Variants in TASOR observed in about 807,000 individuals in gnomAD.
The protein encoded by TASOR is transcription activation suppressor.
In TASOR, 53 loss-of-function variants were observed where a neutral mutation model predicts 178.6. The observed-to-expected ratio is 0.30, with a 90% confidence interval of 0.24 to 0.37. The LOEUF is 0.37. TASOR is among the 10% of genes least tolerant of loss of function. The probability of loss-of-function intolerance (pLI) is 1.00; values close to 1 mark genes in which losing one functional copy is unlikely to be tolerated. For synonymous variants in TASOR, 713 were observed against 696.2 expected (o/e 1.02, Z -0.38); for missense variants, 1,815 against 1,971.4 (o/e 0.92, Z 1.50).
Position 56,651,165 on chromosome 3 carries a change from A to G in TASOR, c.1369-2108T>C, listed in dbSNP as rs564384625. Reference sequence around the variant, plus strand: ...AAGGCTGACAGAGGCTTCAGCAGTTATATCTGTGGCTTCAGCCCAATGAAA... The same window carrying G: ...AAGGCTGACAGAGGCTTCAGCAGTTGTATCTGTGGCTTCAGCCCAATGAAA... On this transcript the variant is annotated intron_variant, in intron 11 of 23. Coordinates refer to ENST00000683822, the MANE Select transcript of TASOR (RefSeq NM_001365635.2). 8.5e-5 allele frequency among the ~76,000 whole-genome samples: 13 copies of G among 152,238 alleles called. No homozygotes were observed. The East Asian group carries it at 1.9e-3, about 23-fold the overall frequency.
rs745872840 is a variant in TASOR, at chr3:56,633,068, C to A, written c.3723G>T (p.Glu1241Asp). The A allele has an allele frequency of 6.2e-6, 10 of 1,601,640 alleles. No individual in the cohort carries two copies. The highest frequency in any genetic ancestry group is 8.5e-6 in the Non-Finnish European group (10 of 1,175,758). ...TVKFYIHEEE[E>D]SVLCKEIKEY... ...CCTTTATTTCTTTACAGAGCACACT[C>A]TCTTCTTCTTCATGAATATAAAATT... The change falls in exon 18 of 24, where the codon GAG becomes GAT. Residue 1241 changes from glutamate (E) to aspartate (D), a missense_variant. This residue lies in a region of TASOR where 655 missense variants were observed against 671.1 expected (regional missense o/e 0.98). Transcript: ENST00000683822.
At chr3:56,665,998 C>T (rs1162455312) in intron 7 of TASOR, among the ~76,000 whole-genome samples, 2 of 152,102 alleles carry the variant, frequency 1.3e-5, no homozygotes, top group Admixed American at 1.3e-4. Context: ...ACTTACTCAA[C>T]TACACAAACC....
At chr3:56,653,920 T>C (rs140539864) in intron 11 of TASOR, among the ~76,000 whole-genome samples, 1 of 152,330 alleles carries the variant, frequency 6.6e-6, no homozygotes, top group East Asian at 1.9e-4. Context: ...CAACTGAGTA[T>C]TTATTGACTA....
Position 56,647,017 on chromosome 3 carries a change from T to C in TASOR, c.1720A>G (p.Ile574Val). 1 of 1,602,914 alleles carries C rather than the reference T, an allele frequency of 6.2e-7. No individual in the cohort carries two copies. The highest frequency in any genetic ancestry group is 8.5e-7 in the Non-Finnish European group (1 of 1,177,234). ...AATCGTGAATCATATGGAAACATAATAAACTCTCGTTTACCTGAACCAAAA... is the reference window on the plus strand; with the variant it reads ...AATCGTGAATCATATGGAAACATAACAAACTCTCGTTTACCTGAACCAAAA... Reference protein sequence around the residue: ...RGFGSGKREFIMFPYDSRLDD... With the variant: ...RGFGSGKREFVMFPYDSRLDD... Residue 574 changes from isoleucine to valine, a missense_variant, in exon 14 of 24, where the codon ATT becomes GTT. Around this residue, in one of 5 missense-constraint regions of TASOR, gnomAD observed 504 missense variants for 645.3 expected, o/e 0.78. Coordinates refer to ENST00000683822, the MANE Select transcript of TASOR (RefSeq NM_001365635.2).
chr3:56,622,677 C>T lies in TASOR; in HGVS notation c.*360G>A, dbSNP rs1226188611. 6.3e-6 allele frequency: 1 copy of T among 158,176 alleles called. No individual in the cohort carries two copies. The highest frequency in any genetic ancestry group is 2.4e-5 in the African/African-American group (1 of 41,626). The allele number at this position is 158,176 out of a possible 1,614,324, so 9.8% of individuals were successfully genotyped here. ...AAGCCTACATCAAAATAATTCACTT[C>T]AACAAAAGTACTTTATATCAGGTGA... On this transcript the variant is annotated 3_prime_UTR_variant, in exon 24 of 24. Transcript: ENST00000683822.
intron 1 of TASOR, among the ~76,000 whole-genome samples, chr3:56,682,198 C>T (rs935570492): frequency 1.4e-4 from 22 of 152,214 alleles, no homozygotes; most frequent in African/African-American, 4.6e-4. Context: ...ACATCAAGCA[C>T]ATTTCAAGTA....
At position 56,669,969 on chromosome 3, in the gene TASOR, A is replaced by T; in HGVS notation, c.643+104T>A. On this transcript the variant is annotated intron_variant, in intron 4 of 23. Coordinates refer to ENST00000683822, the MANE Select transcript of TASOR (RefSeq NM_001365635.2). ...TGACTAGTCTTTTTCTGGGAACATA[A>T]TAAAGCATGAATTTAATAACAACTG... 6.4e-6 allele frequency: 6 copies of T among 931,844 alleles called. No homozygotes were observed. In the South Asian group the frequency reaches 1.0e-4, roughly 16 times the overall value. The allele number at this position is 931,844 out of a possible 1,614,324, so 57.7% of individuals were successfully genotyped here.
intron 11 of TASOR, among the ~76,000 whole-genome samples, chr3:56,658,946 CTGTGTGTGTGTGTGTGTG>C (rs58622702): frequency 4.7e-5 from 7 of 147,450 alleles, no homozygotes; most frequent in African/African-American, 1.0e-4. Flanking sequence ...GAGAGAGAGA[CTGTGTGTGTGTGTGTGTG>C]TGTGTGTGTG....
chr3:56,650,305 C>T (rs1306023993), intron 11 of TASOR, among the ~76,000 whole-genome samples: 3 of 152,144 alleles, frequency 2.0e-5, no homozygotes, highest in Non-Finnish European at 4.4e-5. Flanking sequence ...TTAATAAAAA[C>T]ATTGTTTGCA....
At chr3:56,671,395 A>G in intron 3 of TASOR, 1 of 470,580 alleles carries the variant, frequency 2.1e-6, no homozygotes, top group Non-Finnish European at 3.7e-6. Flanking sequence ...TTCTAGGGGA[A>G]GAAAATAGGA....
In TASOR at chr3:56,681,410, G is replaced by A. The variant is rs73833288; in HGVS notation, c.331+1266C>T. 6.5e-3 allele frequency among the ~76,000 whole-genome samples: 995 copies of A among 152,278 alleles called. 6 individuals are homozygous for A. The highest frequency in any genetic ancestry group is 0.023 in the African/African-American group (951 of 41,554). ...AGATATTTCTAGAAACATTCCTCAT[G>A]CTAATTTCCAAAGGTTAACTTCATC... On this transcript the variant is annotated intron_variant, in intron 1 of 23. Coordinates refer to ENST00000683822, the MANE Select transcript of TASOR (RefSeq NM_001365635.2).
Position 56,646,097 on chromosome 3 carries a change from G to A in TASOR, c.2215+425C>T, listed in dbSNP as rs972006792. ...CAGGAGGTGGAGCTTGCAGTGAGCC[G>A]AGATCATGCCACTACACTCCAGCCT... is the stretch of plus-strand genomic sequence containing the variant. On this transcript the variant is annotated intron_variant, in intron 14 of 23. Transcript: ENST00000683822. Among the ~76,000 whole-genome samples, 9 of 152,128 alleles carry A rather than the reference G, an allele frequency of 5.9e-5. No homozygotes were observed. The South Asian group carries it at 6.2e-4, about 10-fold the overall frequency.
intron 11 of TASOR, among the ~76,000 whole-genome samples, chr3:56,652,060 T>A (rs907052681): frequency 1.3e-5 from 2 of 152,180 alleles, no homozygotes; most frequent in African/African-American, 4.8e-5. Context: ...TTATGCTTAG[T>A]GAAAGAAGCC....
At chr3:56,654,403 T>TAGGGGGGGGGGGGGGGGG (rs2077425758) in intron 11 of TASOR, among the ~76,000 whole-genome samples, 1 of 127,428 alleles carries the variant, frequency 7.8e-6, no homozygotes, top group African/African-American at 2.9e-5. Context: ...TGGGCGGGGT[T>TAGGGGGGGGGGGGGGGGG]GGGGGGTGGT....
In TASOR at chr3:56,670,154, A is replaced by T. The variant is rs1231739707; in HGVS notation, c.571-9T>A. The T allele has an allele frequency of 2.0e-5, 26 of 1,319,504 alleles. No individual in the cohort carries two copies. The highest frequency in any genetic ancestry group is 5.3e-5 in the Admixed American group (2 of 37,926). The allele number at this position is 1,319,504 out of a possible 1,614,324, so 81.7% of individuals were successfully genotyped here. On this transcript the variant is annotated splice_polypyrimidine_tract_variant and intron_variant, in intron 3 of 23. Transcript: ENST00000683822. ...TCACATATGGTTTGAACCTAAATTT[A>T]AAAAAAAATACTTCATCTTGCAGTC...
At chr3:56,645,803 A>C (rs969566298) in intron 14 of TASOR, among the ~76,000 whole-genome samples, 1 of 152,238 alleles carries the variant, frequency 6.6e-6, no homozygotes, top group African/African-American at 2.4e-5. Flanking sequence ...TTCATTATGC[A>C]ACAGCCTAAA....
chr3:56,663,048 T>A (rs112624663), intron 8 of TASOR, among the ~76,000 whole-genome samples: 59 of 151,926 alleles, frequency 3.9e-4, no homozygotes, highest in Non-Finnish European at 6.5e-4. Flanking sequence ...GGTGTGGTGG[T>A]GGGCGCCTGT....
chr3:56,671,714 A>G, intron 2 of TASOR, 22 bp from the exon 3 acceptor site: 1 of 1,481,388 alleles, frequency 6.8e-7, no homozygotes, highest in Non-Finnish European at 9.2e-7. Flanking sequence ...TAAAACTATA[A>G]CAACTACTTA....
At chr3:56,636,225 C>A (rs1337976342) in intron 17 of TASOR, among the ~76,000 whole-genome samples, 1 of 151,288 alleles carries the variant, frequency 6.6e-6, no homozygotes, top group Non-Finnish European at 1.5e-5. Context: ...CTGCAGTGAG[C>A]CAAGATTGCA....
Sources: gnomAD v4.1 joint callset for allele counts (sites outside exome capture counted in the v4.1 genomes callset) on GRCh38, gnomAD v4.1.1 for gene constraint, gnomAD v4.1.1 regional missense constraint, MANE v1.5 for transcripts, NCBI Gene and HGNC (gene_info 2026-07-23, HGNC 2026-07-21) for gene names.